The following LAMA1 variants were observed in gnomAD, a reference collection of about 807,000 sequenced individuals.
LAMA1 encodes laminin subunit alpha-1.
LAMA1 carries 219 observed loss-of-function variants against 348.7 expected under a neutral mutation model. The observed-to-expected ratio is 0.63, with a 90% CI of 0.56 to 0.70. LAMA1 has a LOEUF of 0.70. Among genes scored for constraint, LAMA1 ranks in the 30% least tolerant of loss-of-function variants. The pLI is 0.00. For synonymous variants in LAMA1, 1,487 were observed against 1,491.0 expected (o/e 1.00, Z 0.06); for missense variants, 3,744 against 3,888.0 (o/e 0.96, Z 0.99).
intron 58 of LAMA1, among the ~76,000 whole-genome samples, chr18:6,950,203 A>G (rs969100752): frequency 6.6e-6 from 1 of 152,146 alleles, no homozygotes; most frequent in Non-Finnish European, 1.5e-5. Context: ...AGCATTTGCC[A>G]TTCCTTATCC....
At chr18:7,009,047 C>T (rs1361406212) in intron 27 of LAMA1, among the ~76,000 whole-genome samples, 192 bp downstream of exon 27, 16 of 152,110 alleles carry the variant, frequency 1.1e-4, no homozygotes, top group Admixed American at 8.5e-4. Context: ...TCGACATTAG[C>T]ATGCTAGGTG....
intron 49 of LAMA1, chr18:6,965,665 A>T: frequency 3.6e-6 from 2 of 549,652 alleles, no homozygotes; most frequent in Non-Finnish European, 6.5e-6. Flanking sequence ...CAATTCAGTA[A>T]GAGAAGTGGA....
chr18:6,992,639 T>C lies in LAMA1; in HGVS notation c.5090A>G (p.Gln1697Arg). 3 of 1,613,794 alleles carry C rather than the reference T, an allele frequency of 1.9e-6. No homozygotes were observed. Among genetic ancestry groups the C allele is most frequent in the South Asian group, 1.1e-5 (1 of 91,074 alleles). ...GATTTCTAGCAAAGATGTACCATTC[T>C]GTTGCATGTTCTGAAGAGTAGAATT... ...LPNSTLQNMQ[Q>R]NGTSLLEIMQ... is the part of the protein sequence containing the mutation. Residue 1697 changes from glutamine to arginine, a missense_variant, in exon 36 of 63, where the codon CAG becomes CGG. Gln to Arg is a conservative substitution (Grantham distance 43). Coordinates refer to ENST00000389658, the MANE Select transcript of LAMA1 (RefSeq NM_005559.4).
At chr18:7,040,371 G>T in intron 9 of LAMA1, 135 bp from the exon 10 acceptor site, 1 of 812,524 alleles carries the variant, frequency 1.2e-6, no homozygotes, top group Non-Finnish European at 2.1e-6. Context: ...ATTTGCAGCT[G>T]CTCAGCTCAG....
rs1389367142 is a variant in LAMA1 at position 7,040,266 on chromosome 18, C to T, written c.1262-30G>A. On this transcript the variant is annotated intron_variant, in intron 9 of 62. Transcript: ENST00000389658. ...AAAGACAACAATGGCAATGACCCAA[C>T]ATGAAGGCAAAAGAGGTTTAAAGCA... 4.3e-6 allele frequency: 7 copies of T among 1,613,138 alleles called. No homozygotes were observed. In the Admixed American group the frequency reaches 6.7e-5, roughly 15 times the overall value.
chr18:6,950,815 G>C lies in LAMA1; in HGVS notation c.8364C>G (p.His2788Gln). Residue 2788 changes from histidine to glutamine, a missense_variant, in exon 58 of 63, where the codon CAC becomes CAG. By Grantham distance (24) the His-to-Gln change is conservative. Transcript: ENST00000389658. ...DLGKGRTKVSHPALLSDGKWH... is the reference protein window; with the variant it reads ...DLGKGRTKVSQPALLSDGKWH... Reference sequence around the variant, plus strand: ...ACTTGCCATCACTGAGCAGTGCAGGGTGAGAGACCTTTGTTCTGCCTTTGC... The same window carrying C: ...ACTTGCCATCACTGAGCAGTGCAGGCTGAGAGACCTTTGTTCTGCCTTTGC... 6.2e-7 allele frequency: 1 copy of C among 1,614,124 alleles called. No individual in the cohort carries two copies. Among genetic ancestry groups the C allele is most frequent in the African/African-American group, 1.3e-5 (1 of 75,050 alleles).
intron 48 of LAMA1, 75 bp downstream of exon 48, chr18:6,971,782 T>C (rs1166215065): frequency 6.9e-6 from 11 of 1,596,446 alleles, no homozygotes; most frequent in Middle Eastern, 1.7e-4. Flanking sequence ...CGTGCATGTA[T>C]TAATACATTC....
At position 6,949,134 on chromosome 18, in the gene LAMA1, C is replaced by T; in HGVS notation, c.8523G>A (p.Leu2841=). 3.7e-6 allele frequency: 6 copies of T among 1,614,140 alleles called. No homozygotes were observed. Among genetic ancestry groups the T allele is most frequent in the Non-Finnish European group, 5.1e-6 (6 of 1,180,016 alleles). The change falls in exon 59 of 63, where the codon CTG becomes CTA. Residue 2841 remains leucine, a synonymous_variant. Transcript: ENST00000389658. ...TTTTCCTGGCCTGGTACTGGGAGGG[C>T]AGGCCTCCTAGGTAGAACAAACCCT... ...DVEGLFYLGG[L]PSQYQARKIG...
chr18:6,960,561 A>G (rs1230657862), intron 53 of LAMA1: 1 of 151,262 alleles, frequency 6.6e-6, no homozygotes, highest in African/African-American at 2.4e-5. Flanking sequence ...AGTGATGAAA[A>G]TGTTTGCAAC....
intron 21 of LAMA1, 131 bp downstream of exon 21, chr18:7,016,360 G>C (rs995390085): frequency 3.0e-6 from 3 of 1,005,818 alleles, no homozygotes; most frequent in Admixed American, 2.0e-5. Context: ...CAGAAAAAAG[G>C]TATGAAATCC....
intron 36 of LAMA1, among the ~76,000 whole-genome samples, chr18:6,991,138 G>A (rs1460418671): frequency 1.3e-5 from 2 of 151,960 alleles, no homozygotes; most frequent in Non-Finnish European, 2.9e-5. Flanking sequence ...TATTATTCTA[G>A]TAATTAGATT....
intron 61 of LAMA1, among the ~76,000 whole-genome samples, chr18:6,946,370 G>A (rs1300524114): frequency 6.6e-6 from 1 of 152,192 alleles, no homozygotes; most frequent in Non-Finnish European, 1.5e-5. Context: ...GGGTACAGGA[G>A]TTGGGTGTGG....
intron 1 of LAMA1, among the ~76,000 whole-genome samples, chr18:7,110,505 C>T (rs1346891446): frequency 1.3e-5 from 2 of 152,076 alleles, no homozygotes; most frequent in East Asian, 3.9e-4. Context: ...TCTGTCATTA[C>T]CAAAAGGTTG....
At chr18:7,098,506 G>T (rs565854935) in intron 1 of LAMA1, among the ~76,000 whole-genome samples, 1 of 147,916 alleles carries the variant, frequency 6.8e-6, no homozygotes, top group African/African-American at 2.5e-5. Context: ...CCGCCGCCCC[G>T]TCTGGGATGT....
chr18:7,107,869 C>T (rs2058319659), intron 1 of LAMA1, among the ~76,000 whole-genome samples: 1 of 151,600 alleles, frequency 6.6e-6, no homozygotes, highest in Non-Finnish European at 1.5e-5. Flanking sequence ...AAAAAATTAG[C>T]CGGGCCTGGT....
intron 3 of LAMA1, among the ~76,000 whole-genome samples, chr18:7,058,294 G>A (rs1178656340): frequency 1.3e-5 from 2 of 152,158 alleles, no homozygotes; most frequent in Admixed American, 6.5e-5. Flanking sequence ...TTAGGATGCT[G>A]GGCCATTGTT....
At chr18:6,966,873 G>A (rs1480014065) in intron 48 of LAMA1, among the ~76,000 whole-genome samples, 1 of 152,096 alleles carries the variant, frequency 6.6e-6, no homozygotes, top group Non-Finnish European at 1.5e-5. Flanking sequence ...TACGGCCCAG[G>A]GCATTTTCAG....
rs996765102 is a variant in LAMA1, at chr18:7,019,276, C to T, written c.2702-1892G>A. The stretch of plus-strand genomic sequence containing the variant: ...TTACCCCGTGGCTCTGCGGAAGGGA[C>T]CCCGTGACCTCCCTCTCCCTTTTGC... On this transcript the variant is annotated intron_variant, in intron 19 of 62. Transcript: ENST00000389658. Among the ~76,000 whole-genome samples, 2 of 152,140 alleles carry T rather than the reference C, an allele frequency of 1.3e-5. 1 individual carries two copies. The highest frequency in any genetic ancestry group is 2.9e-5 in the Non-Finnish European group (2 of 68,032).
chr18:6,942,381 C>A, intron 62 of LAMA1, 142 bp from the exon 63 acceptor site: 1 of 894,364 alleles, frequency 1.1e-6, no homozygotes, highest in Non-Finnish European at 1.7e-6. Flanking sequence ...ATATCTTCCA[C>A]ATATGTGGTG....
Sources: gnomAD v4.1 joint callset for allele counts (sites outside exome capture counted in the v4.1 genomes callset) on GRCh38, gnomAD v4.1.1 for gene constraint, MANE v1.5 for transcripts, NCBI Gene and HGNC (gene_info 2026-07-23, HGNC 2026-07-21) for gene names.